TAGLN3: variants seen among roughly 807,000 people sequenced by gnomAD.
The protein encoded by TAGLN3 is transgelin-3.
In TAGLN3, 12 loss-of-function variants were observed where a neutral mutation model predicts 25.4. The observed-to-expected ratio is 0.47, with a 90% CI of 0.30 to 0.77. The LOEUF is 0.77. Among genes scored for constraint, TAGLN3 ranks in the 30% least tolerant of loss-of-function variants. The pLI is 0.06. For synonymous variants in TAGLN3, 96 were observed against 94.8 expected (o/e 1.01, Z -0.08); for missense variants, 218 against 255.8 (o/e 0.85, Z 1.01).
chr3:111,999,498 C>T lies in TAGLN3; in HGVS notation c.76C>T (p.Leu26=). The T allele has an allele frequency of 7.4e-6, 12 of 1,614,230 alleles. No individual in the cohort carries two copies. The highest frequency in any genetic ancestry group is 1.0e-5 in the Non-Finnish European group (12 of 1,180,036). ...EKIEQKYDAD[L]ENKLVDWIIL... is the part of the protein sequence containing the mutation. The stretch of plus-strand genomic sequence containing the variant: ...GATCGAGCAGAAGTATGATGCGGAC[C>T]TGGAGAACAAGCTGGTGGACTGGAT... The change falls in exon 2 of 5, where the codon CTG becomes TTG. Residue 26 remains leucine (L), a synonymous_variant. Coordinates refer to ENST00000478951, the MANE Select transcript of TAGLN3 (RefSeq NM_001008272.2).
chr3:112,011,737 G>A lies in TAGLN3; in HGVS notation c.356-26G>A, dbSNP rs1423707845. 8 of 1,606,292 alleles carry A rather than the reference G, an allele frequency of 5.0e-6. No individual in the cohort carries two copies. In the Admixed American group the frequency reaches 6.7e-5, roughly 14 times the overall value. ...ATTCCTTGGCTCTGACACGTGCTTG[G>A]CTTTAAGCTCTTTGTTGGCTTCCAG... On this transcript the variant is annotated intron_variant, in intron 3 of 4. Coordinates refer to ENST00000478951, the MANE Select transcript of TAGLN3 (RefSeq NM_001008272.2).
At position 112,000,896 on chromosome 3, in the gene TAGLN3, C is replaced by T; in HGVS notation, c.305C>T (p.Thr102Ile). The T allele has an allele frequency of 6.2e-7, 1 of 1,614,076 alleles. No homozygotes were observed. The highest frequency in any genetic ancestry group is 2.2e-5 in the East Asian group (1 of 44,884). ...TCCCAGTTCCTAAAAGCTGCGGAGACCTATGGTGTCAGAACCACCGACATC... is the reference window on the plus strand; with the variant it reads ...TCCCAGTTCCTAAAAGCTGCGGAGATCTATGGTGTCAGAACCACCGACATC... ...QISQFLKAAE[T>I]YGVRTTDIFQ... The change falls in exon 3 of 5, where the codon ACC (threonine) becomes ATC (isoleucine). Residue 102 changes from threonine to isoleucine, a missense_variant. Transcript: ENST00000478951.
chr3:112,005,702 CTT>C (rs761424017), intron 3 of TAGLN3, among the ~76,000 whole-genome samples: 6 of 30,132 alleles, frequency 2.0e-4, no homozygotes, highest in Admixed American at 2.8e-4. Context: ...TCTTTTTTTT[CTT>C]TTTTTTTTTT....
intron 3 of TAGLN3, among the ~76,000 whole-genome samples, chr3:112,009,611 G>A (rs923898405): frequency 6.6e-6 from 1 of 152,214 alleles, no homozygotes; most frequent in Non-Finnish European, 1.5e-5. Flanking sequence ...AACTGATTGG[G>A]TGACTCTGGG....
At chr3:112,004,398 G>C (rs1342641119) in intron 3 of TAGLN3, among the ~76,000 whole-genome samples, 3 of 151,526 alleles carry the variant, frequency 2.0e-5, no homozygotes, top group African/African-American at 7.3e-5. Context: ...GGGGCGGGGG[G>C]TGTGTGTAAG....
intron 4 of TAGLN3, 46 bp downstream of exon 4, chr3:112,011,911 C>T (rs2107725751): frequency 1.3e-6 from 2 of 1,579,192 alleles, no homozygotes; most frequent in East Asian, 2.2e-5. Context: ...CGATTTTAAC[C>T]AGAGGGAGGG....
At chr3:112,008,480 T>C (rs1464340317) in intron 3 of TAGLN3, among the ~76,000 whole-genome samples, 1 of 152,138 alleles carries the variant, frequency 6.6e-6, no homozygotes, top group Non-Finnish European at 1.5e-5. Context: ...GTGCCCAGCC[T>C]TTTGTTGTTT....
At chr3:112,003,892 G>C (rs939213998) in intron 3 of TAGLN3, among the ~76,000 whole-genome samples, 1 of 152,138 alleles carries the variant, frequency 6.6e-6, no homozygotes, top group African/African-American at 2.4e-5. Context: ...AGGAGCCCAG[G>C]CTTGCCAAAT....
intron 3 of TAGLN3, among the ~76,000 whole-genome samples, chr3:112,010,445 A>G (rs893167620): frequency 2.6e-5 from 4 of 152,238 alleles, no homozygotes; most frequent in African/African-American, 7.2e-5. Flanking sequence ...AACCTTCAGA[A>G]TATCATTACT....
Position 112,013,805 on chromosome 3 carries a change from T to C in TAGLN3, c.*254T>C. 2.2e-6 allele frequency: 1 copy of C among 460,432 alleles called. No individual in the cohort carries two copies. Among genetic ancestry groups the C allele is most frequent in the Non-Finnish European group, 3.9e-6 (1 of 253,310 alleles). 28.5% of individuals were successfully genotyped at this position (460,432 alleles called of 1,614,324 possible). On this transcript the variant is annotated 3_prime_UTR_variant, in exon 5 of 5. Transcript: ENST00000478951. ...GCCCCAGAGTCTCTGTTTGATTATTTATTTATTTATTTATTTATTTGCCAA... is the reference window on the plus strand; with the variant it reads ...GCCCCAGAGTCTCTGTTTGATTATTCATTTATTTATTTATTTATTTGCCAA...
chr3:112,008,472 G>A (rs2072942352), intron 3 of TAGLN3, among the ~76,000 whole-genome samples: 1 of 152,092 alleles, frequency 6.6e-6, no homozygotes, highest in Non-Finnish European at 1.5e-5. Flanking sequence ...GAGCCACTGT[G>A]CCCAGCCTTT....
intron 3 of TAGLN3, among the ~76,000 whole-genome samples, chr3:112,002,244 C>T (rs1447708475): frequency 6.6e-6 from 1 of 152,208 alleles, no homozygotes; most frequent in Non-Finnish European, 1.5e-5. Flanking sequence ...TGATGTTTTC[C>T]TATGCACAAG....
intron 3 of TAGLN3, among the ~76,000 whole-genome samples, chr3:112,009,111 G>A (rs193114965): frequency 1.3e-5 from 2 of 152,156 alleles, no homozygotes; most frequent in Non-Finnish European, 2.9e-5. Flanking sequence ...TTACCATGAG[G>A]TCAGCACCAA....
At chr3:111,999,917 G>A (rs1240302145) in intron 2 of TAGLN3, among the ~76,000 whole-genome samples, 1 of 152,194 alleles carries the variant, frequency 6.6e-6, no homozygotes, top group Non-Finnish European at 1.5e-5. Context: ...CCTTCCTGGT[G>A]CATCAGCTCT....
chr3:112,007,542 T>G (rs1433071908), intron 3 of TAGLN3, among the ~76,000 whole-genome samples: 1 of 152,204 alleles, frequency 6.6e-6, no homozygotes, highest in Non-Finnish European at 1.5e-5. Context: ...CCAGACTCTA[T>G]CTCATTTTTG....
At chr3:112,012,741 C>T (rs1400080675) in intron 4 of TAGLN3, among the ~76,000 whole-genome samples, 2 of 152,148 alleles carry the variant, frequency 1.3e-5, no homozygotes, top group African/African-American at 4.8e-5. Context: ...ACCGTGTTCC[C>T]ATGTGGCTAC....
chr3:112,000,068 C>G (rs3792407), intron 2 of TAGLN3, among the ~76,000 whole-genome samples: 42,917 of 151,974 alleles, frequency 0.28, 6,218 homozygotes, highest in East Asian at 0.46. Context: ...TGAGTGGATG[C>G]GTTCTCATGA....
In TAGLN3 at chr3:112,009,907, C is replaced by T. The variant is rs539558723; in HGVS notation, c.356-1856C>T. On this transcript the variant is annotated intron_variant, in intron 3 of 4. Coordinates refer to ENST00000478951, the MANE Select transcript of TAGLN3 (RefSeq NM_001008272.2). ...AGGCTCCTGGATATCTTATCTTAGC[C>T]GGCAACTTAGTTCCCTTTGTCCTCT... 3.9e-5 allele frequency among the ~76,000 whole-genome samples: 6 copies of T among 151,950 alleles called. No individual in the cohort carries two copies. The South Asian group carries it at 1.0e-3, about 26-fold the overall frequency.
intron 4 of TAGLN3, 79 bp downstream of exon 4, chr3:112,011,944 G>A: frequency 7.5e-7 from 1 of 1,327,108 alleles, no homozygotes; most frequent in South Asian, 1.4e-5. Flanking sequence ...GAACTCTACA[G>A]AGGCTTTATG....
Sources: allele counts gnomAD v4.1 joint callset (sites outside exome capture counted in the v4.1 genomes callset), GRCh38; gene constraint gnomAD v4.1.1; transcripts MANE v1.5; gene names NCBI Gene and HGNC (gene_info 2026-07-23, HGNC 2026-07-21).